Variants in CSMD2 observed in about 807,000 individuals in gnomAD.
CSMD2 encodes CUB and sushi domain-containing protein 2.
A neutral mutation model predicts 398.5 loss-of-function variants in CSMD2; 130 were observed. The observed-to-expected ratio is 0.33, with a 90% CI of 0.28 to 0.38. CSMD2 has a LOEUF of 0.38. Among genes scored for constraint, CSMD2 ranks in the 10% least tolerant of loss-of-function variants. The pLI is 1.00. For missense variants in CSMD2, 3,829 were observed against 4,764.9 expected, an observed-to-expected ratio of 0.80 and a Z score of 5.78; for synonymous variants, 1,828 against 1,908.5, an observed-to-expected ratio of 0.96 and a Z score of 1.10.
chr1:33,819,999 T>A (rs534439195), intron 8 of CSMD2, among the ~76,000 whole-genome samples, 162 bp from the exon 9 acceptor site: 1 of 152,338 alleles, frequency 6.6e-6, no homozygotes, highest in East Asian at 1.9e-4. Context: ...GGAAGGAACA[T>A]CTGCTCTTCA....
intron 12 of CSMD2, among the ~76,000 whole-genome samples, chr1:33,787,471 A>C (rs577560272): frequency 7.6e-4 from 115 of 152,150 alleles, no homozygotes; most frequent in Non-Finnish European, 9.0e-4. Flanking sequence ...CTTTAGGCTC[A>C]CTTTTGTGAC....
intron 15 of CSMD2, among the ~76,000 whole-genome samples, chr1:33,734,081 C>G (rs1194180663): frequency 6.6e-6 from 1 of 152,102 alleles, no homozygotes; most frequent in African/African-American, 2.4e-5. Flanking sequence ...CAGTAACTAC[C>G]CTTATAGTTC....
chr1:34,054,622 C>T (rs1446998577), intron 2 of CSMD2, among the ~76,000 whole-genome samples: 1 of 152,112 alleles, frequency 6.6e-6, no homozygotes, highest in Non-Finnish European at 1.5e-5. Flanking sequence ...TGCCTATAGT[C>T]CCAGCTACTC....
intron 41 of CSMD2, among the ~76,000 whole-genome samples, chr1:33,607,702 G>A (rs750870085): frequency 2.0e-5 from 3 of 152,234 alleles, no homozygotes; most frequent in Non-Finnish European, 2.9e-5. Context: ...CAGGTGCCCC[G>A]GCACCATGTG....
chr1:33,685,294 A>G (rs1182369188), intron 25 of CSMD2, among the ~76,000 whole-genome samples: 2 of 152,322 alleles, frequency 1.3e-5, no homozygotes, highest in East Asian at 1.9e-4. Context: ...GTTCCAGGAG[A>G]AAAATGAACC....
chr1:33,985,335 G>T (rs1646321109), intron 3 of CSMD2, among the ~76,000 whole-genome samples: 1 of 152,230 alleles, frequency 6.6e-6, no homozygotes, highest in Non-Finnish European at 1.5e-5. Context: ...AAACTGTGAG[G>T]AACAATGCCA....
chr1:33,616,679 G>A (rs10914755), intron 39 of CSMD2, among the ~76,000 whole-genome samples: 35,230 of 152,176 alleles, frequency 0.23, 5,088 homozygotes, highest in African/African-American at 0.41. Flanking sequence ...CAAATGGGCA[G>A]ACCTCCTGTA....
At chr1:33,787,360 T>C (rs1052113739) in intron 12 of CSMD2, among the ~76,000 whole-genome samples, 1 of 152,190 alleles carries the variant, frequency 6.6e-6, no homozygotes, top group Admixed American at 6.5e-5. Flanking sequence ...AGGAGGAACC[T>C]ATGGTACACT....
At chr1:33,852,368 CT>C (rs1638772751) in intron 5 of CSMD2, among the ~76,000 whole-genome samples, 1 of 152,212 alleles carries the variant, frequency 6.6e-6, no homozygotes, top group South Asian at 2.1e-4. Context: ...AAAGTCCAAG[CT>C]TTTTAATGTC....
intron 5 of CSMD2, among the ~76,000 whole-genome samples, chr1:33,889,056 C>T (rs932800556): frequency 1.7e-4 from 26 of 152,284 alleles, no homozygotes; most frequent in African/African-American, 6.0e-4. Context: ...AGGCGTGAGC[C>T]ACTGCGCCCG....
chr1:33,570,165 G>A (rs1309818715), intron 51 of CSMD2, among the ~76,000 whole-genome samples: 4 of 119,810 alleles, frequency 3.3e-5, no homozygotes, highest in Non-Finnish European at 7.3e-5. Context: ...ACGGACATTG[G>A]CTTTTTTTTT....
At chr1:33,652,237 C>G in intron 28 of CSMD2, 86 bp downstream of exon 28, 1 of 1,414,604 alleles carries the variant, frequency 7.1e-7, no homozygotes, top group Non-Finnish European at 9.9e-7. Flanking sequence ...TGCTACAGAC[C>G]TGTGAATACT....
chr1:33,947,282 G>A (rs971731898), intron 3 of CSMD2, among the ~76,000 whole-genome samples: 2 of 152,162 alleles, frequency 1.3e-5, no homozygotes, highest in Non-Finnish European at 2.9e-5. Context: ...TGGGAGCCCT[G>A]CTCTGGGCCA....
At chr1:33,961,595 T>C (rs1042151284) in intron 3 of CSMD2, among the ~76,000 whole-genome samples, 2 of 152,136 alleles carry the variant, frequency 1.3e-5, no homozygotes, top group Non-Finnish European at 2.9e-5. Context: ...GAGAGTGAGA[T>C]GGTTTGAATG....
chr1:33,569,961 T>G (rs1690551), intron 51 of CSMD2, among the ~76,000 whole-genome samples: 71,661 of 152,032 alleles, frequency 0.47, 17,351 homozygotes, highest in Admixed American at 0.63. Context: ...CCTCACACTC[T>G]TTGTCAACAG....
In CSMD2 at chr1:33,918,184, C is replaced by G. The variant is rs1361195246; in HGVS notation, c.830G>C (p.Gly277Ala). 3 of 1,614,178 alleles carry G rather than the reference C, an allele frequency of 1.9e-6. No homozygotes were observed. In the Admixed American group the frequency reaches 5.0e-5, roughly 27 times the overall value. ...DCTWTILAEL[G>A]DTIALVFIDF... ...AATAAACACCAGGGCGATGGTGTCC[C>G]CCAGCTCAGCCAGGATGGTCCATGT... Residue 277 changes from glycine (G) to alanine (A), a missense_variant, in exon 5 of 71, where the codon GGG becomes GCG. Transcript: ENST00000373381.
intron 60 of CSMD2, among the ~76,000 whole-genome samples, chr1:33,539,135 T>G (rs1374653831): frequency 2.0e-5 from 3 of 152,070 alleles, no homozygotes; most frequent in Admixed American, 6.6e-5. Flanking sequence ...GCCCGGCTAA[T>G]TTTTGTATTT....
Position 33,550,159 on chromosome 1 carries a change from C to T in CSMD2, c.8917+18G>A, listed in dbSNP as rs201002514. On this transcript the variant is annotated intron_variant, in intron 56 of 70. Transcript: ENST00000373381. ...AAGCATTCCACTGGAGCTCTTTCCT[C>T]AATGCCATGCACCATACCTGAGCAG... 10 of 1,606,338 alleles carry T rather than the reference C, an allele frequency of 6.2e-6. No homozygotes were observed. Among genetic ancestry groups the T allele is most frequent in the Non-Finnish European group, 8.5e-6 (10 of 1,174,786 alleles).
chr1:33,771,544 G>A (rs895676270), intron 13 of CSMD2, among the ~76,000 whole-genome samples: 1 of 150,582 alleles, frequency 6.6e-6, no homozygotes, highest in East Asian at 1.9e-4. Flanking sequence ...GTTGGACAAC[G>A]TGATTTTTTT....
Sources: gnomAD v4.1 joint callset for allele counts (sites outside exome capture counted in the v4.1 genomes callset) on GRCh38, gnomAD v4.1.1 for gene constraint, MANE v1.5 for transcripts, NCBI Gene and HGNC (gene_info 2026-07-23, HGNC 2026-07-21) for gene names.